Variants in KITLG observed in about 807,000 individuals in gnomAD.
The protein encoded by KITLG is KIT ligand.
Under a neutral mutation model 34.1 loss-of-function variants are expected in KITLG, and 13 were observed. The observed-to-expected ratio is 0.38, with a 90% CI of 0.25 to 0.61. The LOEUF is 0.61. Ranked by LOEUF, KITLG falls within the 20% of genes least tolerant of loss-of-function variation. The pLI is 0.60. For synonymous variants in KITLG, 110 were observed against 104.0 expected (o/e 1.06, Z -0.35); for missense variants, 292 against 318.9 (o/e 0.92, Z 0.64).
At chr12:88,515,680 GA>G in intron 5 of KITLG, 63 bp from the exon 6 acceptor site, 3 of 1,215,862 alleles carry the variant, frequency 2.5e-6, no homozygotes. Flanking sequence ...TAGAGTCCCT[GA>G]AAGGTGAAGT....
At chr12:88,511,757 A>T (rs1869285224) in intron 6 of KITLG, among the ~76,000 whole-genome samples, 1 of 152,204 alleles carries the variant, frequency 6.6e-6, no homozygotes, top group South Asian at 2.1e-4. Flanking sequence ...GGACAAAATT[A>T]TTAAGACAAG....
chr12:88,501,370 A>G (rs948352103), intron 9 of KITLG, among the ~76,000 whole-genome samples: 7 of 152,316 alleles, frequency 4.6e-5, no homozygotes, highest in Non-Finnish European at 1.0e-4. Flanking sequence ...AAATGATTAT[A>G]ATCCAAATTA....
chr12:88,543,436 T>A (rs1318018563), intron 2 of KITLG, among the ~76,000 whole-genome samples: 1 of 152,216 alleles, frequency 6.6e-6, no homozygotes, highest in East Asian at 1.9e-4. Context: ...TCAAAGGACA[T>A]GAACTCATCT....
intron 2 of KITLG, among the ~76,000 whole-genome samples, chr12:88,537,892 G>A (rs1870386517): frequency 6.6e-6 from 1 of 152,120 alleles, no homozygotes; most frequent in Non-Finnish European, 1.5e-5. Context: ...TGAATTTAAT[G>A]TATGGATTAA....
rs182394274 is a variant in KITLG, at chr12:88,512,923, A to G, written c.604+2611T>C. On this transcript the variant is annotated intron_variant, in intron 6 of 9. Coordinates refer to ENST00000644744, the MANE Select transcript of KITLG (RefSeq NM_000899.5). Reference sequence around the variant, plus strand: ...GTTTTTCAGCCTGAAGGAAATTAATACCAAATGGAAACCTGGACTGACAAG... The same window carrying G: ...GTTTTTCAGCCTGAAGGAAATTAATGCCAAATGGAAACCTGGACTGACAAG... 6.6e-5 allele frequency among the ~76,000 whole-genome samples: 10 copies of G among 152,030 alleles called. No homozygotes were observed. In the East Asian group the frequency reaches 1.7e-3, roughly 26 times the overall value.
Position 88,520,542 on chromosome 12 carries a change from A to G in KITLG, c.193-1675T>C, listed in dbSNP as rs1325992679. 2.6e-5 allele frequency among the ~76,000 whole-genome samples: 4 copies of G among 152,148 alleles called. No individual in the cohort carries two copies. In the East Asian group the frequency reaches 7.7e-4, roughly 29 times the overall value. ...CCAGGTATTAATCTCTTAGGACTCT[A>G]TTTCCTCACTTTATGAGTATGCTTG... On this transcript the variant is annotated intron_variant, in intron 3 of 9. Coordinates refer to ENST00000644744, the MANE Select transcript of KITLG (RefSeq NM_000899.5).
At chr12:88,513,883 G>A (rs1243918044) in intron 6 of KITLG, among the ~76,000 whole-genome samples, 1 of 151,442 alleles carries the variant, frequency 6.6e-6, no homozygotes, top group Non-Finnish European at 1.5e-5. Context: ...AATAAGGAAG[G>A]GAAGATATAA....
chr12:88,527,543 A>G (rs1010772155), intron 3 of KITLG, among the ~76,000 whole-genome samples: 1 of 152,246 alleles, frequency 6.6e-6, no homozygotes, highest in African/African-American at 2.4e-5. Flanking sequence ...GTCTGAACGA[A>G]AAACTGACAA....
Position 88,580,268 on chromosome 12 carries a change from GTCT to G in KITLG, c.8_10del (p.Lys3del). On this transcript the variant is annotated inframe_deletion, in exon 1 of 10. Coordinates refer to ENST00000644744, the MANE Select transcript of KITLG (RefSeq NM_000899.5). ...TCCCGGGCGCGCCCTACTCACTTGT[GTCT>G]TCTTCATAAGGAAAGGCAGCGCTGC... 2 of 1,610,556 alleles carry G rather than the reference GTCT, an allele frequency of 1.2e-6. No homozygotes were observed. The highest frequency in any genetic ancestry group is 8.5e-7 in the Non-Finnish European group (1 of 1,178,500).
intron 7 of KITLG, 40 bp from the exon 8 acceptor site, chr12:88,506,418 T>C: frequency 7.3e-7 from 1 of 1,373,904 alleles, no homozygotes; most frequent in Non-Finnish European, 1.0e-6. Context: ...AAATAATCAA[T>C]GAATGGTCTA....
intron 6 of KITLG, among the ~76,000 whole-genome samples, chr12:88,507,453 A>T (rs972324407): frequency 6.6e-6 from 1 of 152,188 alleles, no homozygotes; most frequent in Non-Finnish European, 1.5e-5. Flanking sequence ...TATCAAGCAA[A>T]TCTATCTCCC....
intron 1 of KITLG, among the ~76,000 whole-genome samples, chr12:88,554,473 T>C (rs1871031500): frequency 6.6e-6 from 1 of 152,150 alleles, no homozygotes; most frequent in East Asian, 1.9e-4. Context: ...AAAAACAACA[T>C]TCATCTTCTC....
chr12:88,518,365 C>T (rs1479227911), intron 4 of KITLG, among the ~76,000 whole-genome samples: 1 of 152,108 alleles, frequency 6.6e-6, no homozygotes, highest in Non-Finnish European at 1.5e-5. Flanking sequence ...GACAATTTTC[C>T]ATTTAAATGA....
At chr12:88,522,172 T>G (rs1869691730) in intron 3 of KITLG, among the ~76,000 whole-genome samples, 1 of 152,202 alleles carries the variant, frequency 6.6e-6, no homozygotes, top group Admixed American at 6.5e-5. Flanking sequence ...ATGCACATTC[T>G]AAGACTAAGC....
chr12:88,507,122 G>T lies in KITLG; in HGVS notation c.620C>A (p.Pro207His). 6.2e-7 allele frequency: 1 copy of T among 1,611,000 alleles called. No homozygotes were observed. Among genetic ancestry groups the T allele is most frequent in the Non-Finnish European group, 8.5e-7 (1 of 1,177,290 alleles). The part of the protein sequence containing the change: ...SSSSNRKAKN[P>H]PGDSSLHWAA... ...CCAGTGTAGGCTGGAGTCTCCAGGG[G>T]GATTTTTGGCCTTCCCTATAATTTA... Residue 207 changes from proline (P) to histidine (H), a missense_variant, in exon 7 of 10, where the codon CCC (proline) becomes CAC (histidine). Physicochemically the swap from Pro to His is moderately conservative, Grantham distance 77 (BLOSUM62 -2). Coordinates refer to ENST00000644744, the MANE Select transcript of KITLG (RefSeq NM_000899.5).
At chr12:88,560,247 TTAAC>T (rs1192378668) in intron 1 of KITLG, among the ~76,000 whole-genome samples, 1 of 152,232 alleles carries the variant, frequency 6.6e-6, no homozygotes, top group Non-Finnish European at 1.5e-5. Context: ...CAGTTAATAG[TTAAC>T]TATAGCTAGT....
At chr12:88,538,702 T>G (rs1409903190) in intron 2 of KITLG, among the ~76,000 whole-genome samples, 1 of 151,928 alleles carries the variant, frequency 6.6e-6, no homozygotes, top group Admixed American at 6.6e-5. Context: ...TAGGGTTAAG[T>G]GGATAAGTAA....
intron 2 of KITLG, among the ~76,000 whole-genome samples, chr12:88,542,718 T>A (rs186527264): frequency 6.6e-6 from 1 of 152,108 alleles, no homozygotes; most frequent in Admixed American, 6.6e-5. Context: ...AACTTTTATG[T>A]AGATGCTAGT....
rs201507939 is a variant in KITLG at position 88,545,728 on chromosome 12, C to G, written c.129+24G>C. 2.5e-5 allele frequency: 32 copies of G among 1,296,576 alleles called. No homozygotes were observed. The Admixed American group carries it at 4.6e-4, about 19-fold the overall frequency. The allele number at this position is 1,296,576 out of a possible 1,614,324, so 80.3% of individuals were successfully genotyped here. A position where few individuals can be genotyped will look rare whatever the true frequency, so the allele number is the denominator to read the frequency against. On this transcript the variant is annotated intron_variant, in intron 2 of 9. Coordinates refer to ENST00000644744, the MANE Select transcript of KITLG (RefSeq NM_000899.5). ...AGAGCCACAGCTCTTTTTTACACAG[C>G]ACGGTAAAGCATTCCTTACTTACCA...
Sources: allele counts gnomAD v4.1 joint callset (sites outside exome capture counted in the v4.1 genomes callset), GRCh38; gene constraint gnomAD v4.1.1; transcripts MANE v1.5; gene names NCBI Gene and HGNC (gene_info 2026-07-23, HGNC 2026-07-21).